SUMF1: variants seen among roughly 807,000 people sequenced by gnomAD.
SUMF1 encodes sulfatase modifying factor 1.
In SUMF1, 48 loss-of-function variants were observed where a neutral mutation model predicts 47.6. The ratio of observed to expected loss-of-function variants is 1.01; its 90% confidence interval spans 0.80 to 1.28. The LOEUF (loss-of-function observed/expected upper bound fraction) is 1.28, where lower values mean the gene tolerates loss of function less well. Ranked by LOEUF, SUMF1 falls within the 50% of genes most tolerant of loss-of-function variation. The pLI is 0.00. For synonymous variants in SUMF1, 230 were observed against 192.1 expected (o/e 1.20, Z -1.63); for missense variants, 571 against 485.4 (o/e 1.18, Z -1.66).
chr3:4,218,876 T>A (rs2125171919), intron 8 of SUMF1, among the ~76,000 whole-genome samples: 1 of 152,296 alleles, frequency 6.6e-6, no homozygotes, highest in South Asian at 2.1e-4. Context: ...CTTTTGGGTT[T>A]CAGCATGTGT....
At chr3:4,197,307 G>C (rs1010825119) in intron 8 of SUMF1, among the ~76,000 whole-genome samples, 1 of 152,036 alleles carries the variant, frequency 6.6e-6, no homozygotes, top group African/African-American at 2.4e-5. Context: ...TACAGACAAT[G>C]TTTCACCGTG....
At chr3:4,192,428 T>C (rs1695337735) in intron 8 of SUMF1, among the ~76,000 whole-genome samples, 1 of 151,852 alleles carries the variant, frequency 6.6e-6, no homozygotes, top group African/African-American at 2.4e-5. Flanking sequence ...TTAATAGTCC[T>C]TTAGTATAAA....
intron 8 of SUMF1, among the ~76,000 whole-genome samples, chr3:4,320,692 G>T (rs1437161166): frequency 6.6e-6 from 1 of 152,206 alleles, no homozygotes; most frequent in African/African-American, 2.4e-5. Context: ...ATAGGCAATA[G>T]CCTGTTTTGG....
intron 8 of SUMF1, among the ~76,000 whole-genome samples, chr3:4,365,680 T>C (rs1699928727): frequency 6.8e-6 from 1 of 146,352 alleles, no homozygotes; most frequent in African/African-American, 2.5e-5. Flanking sequence ...AATTTGCCAG[T>C]CTGTGTCTTT....
intron 8 of SUMF1, among the ~76,000 whole-genome samples, chr3:4,195,246 T>C (rs1281489182): frequency 1.3e-5 from 2 of 152,146 alleles, no homozygotes; most frequent in African/African-American, 4.8e-5. Context: ...TCTAATGACC[T>C]AGATTCTGGC....
intron 8 of SUMF1, among the ~76,000 whole-genome samples, chr3:4,186,781 T>C (rs144665324): frequency 2.3e-4 from 35 of 152,152 alleles, no homozygotes; most frequent in African/African-American, 8.2e-4. Context: ...ATGTGAGAAG[T>C]TCAATTGCCC....
intron 8 of SUMF1, among the ~76,000 whole-genome samples, chr3:4,183,408 GT>G (rs750398238): frequency 1.3e-5 from 2 of 152,116 alleles, no homozygotes; most frequent in Non-Finnish European, 2.9e-5. Flanking sequence ...TTTATTTAAA[GT>G]GACAGTATCA....
intron 9 of SUMF1, among the ~76,000 whole-genome samples, chr3:4,064,152 T>G (rs1695329866): frequency 6.6e-6 from 1 of 151,978 alleles, no homozygotes. Flanking sequence ...TTCTCAGTCA[T>G]AGGATGAGAT....
At chr3:4,163,388 G>A (rs1037298102) in intron 8 of SUMF1, among the ~76,000 whole-genome samples, 17,230 of 28,720 alleles carry the variant, frequency 0.6, 4,856 homozygotes, top group East Asian at 0.71. Context: ...GGAAGGGAGG[G>A]AGGGAGGGAG....
Position 4,254,215 on chromosome 3 carries a change from T to C in SUMF1, c.1014+122115A>G, listed in dbSNP as rs556310575. ...CTAAAAAGCAGAGCGCCTCTCCTCC[T>C]CCAAAGGAACACAGTTCCTCAACAG... On this transcript the variant is annotated intron_variant and NMD_transcript_variant, in intron 8 of 12. Coordinates refer to the SUMF1 transcript ENST00000448413. Among the ~76,000 whole-genome samples, 7 of 151,952 alleles carry C rather than the reference T, an allele frequency of 4.6e-5. No individual in the cohort carries two copies. In the East Asian group the frequency reaches 1.4e-3, roughly 29 times the overall value.
intron 9 of SUMF1, among the ~76,000 whole-genome samples, chr3:4,058,937 T>C (rs1342430043): frequency 1.3e-5 from 2 of 152,080 alleles, no homozygotes; most frequent in East Asian, 1.9e-4. Context: ...TGAGGTGAGA[T>C]TACTCTAGCA....
At chr3:4,430,229 T>A (rs1294834496) in intron 3 of SUMF1, among the ~76,000 whole-genome samples, 9 of 152,166 alleles carry the variant, frequency 5.9e-5, no homozygotes, top group African/African-American at 2.2e-4. Context: ...GGAGTCACAG[T>A]AGTTAGGAAA....
rs531427915 is a variant in SUMF1 at position 4,283,114 on chromosome 3, T to C, written c.1014+93216A>G. Among the ~76,000 whole-genome samples, 68 of 152,288 alleles carry C rather than the reference T, an allele frequency of 4.5e-4. 2 individuals carry two copies. The highest frequency in any genetic ancestry group is 4.3e-3 in the Admixed American group (66 of 15,294). On this transcript the variant is annotated intron_variant and NMD_transcript_variant, in intron 8 of 12. Transcript: ENST00000448413. Reference sequence around the variant, plus strand: ...TCTCCCTTGAGGATCTTTAGACTCTTAGAGATAGAGAAATAGCTAAGGAGA... The same window carrying C: ...TCTCCCTTGAGGATCTTTAGACTCTCAGAGATAGAGAAATAGCTAAGGAGA...
At chr3:4,274,452 T>A (rs190435092) in intron 8 of SUMF1, among the ~76,000 whole-genome samples, 2 of 152,318 alleles carry the variant, frequency 1.3e-5, no homozygotes, top group African/African-American at 4.8e-5. Flanking sequence ...TGGAGGGACA[T>A]TATTCTTATT....
chr3:4,303,428 A>C, intron 8 of SUMF1: 1 of 1,553,988 alleles, frequency 6.4e-7, no homozygotes, highest in Non-Finnish European at 8.7e-7. Flanking sequence ...GTTTAAGGAG[A>C]AGCCTGAGGC....
At chr3:4,083,113 A>G (rs566383189) in intron 8 of SUMF1, among the ~76,000 whole-genome samples, 309 of 152,270 alleles carry the variant, frequency 2.0e-3, no homozygotes, top group Middle Eastern at 0.017. Context: ...AAACATGCCC[A>G]GACTGAAAAG....
intron 9 of SUMF1, among the ~76,000 whole-genome samples, chr3:4,055,781 T>C (rs1371083477): frequency 1.3e-5 from 2 of 152,160 alleles, no homozygotes; most frequent in Admixed American, 1.3e-4. Context: ...AAAATTTGTA[T>C]CTTACACTTA....
chr3:4,275,744 G>T (rs1697400876), intron 8 of SUMF1, among the ~76,000 whole-genome samples: 1 of 152,152 alleles, frequency 6.6e-6, no homozygotes, highest in Non-Finnish European at 1.5e-5. Flanking sequence ...AAAGCAAAAA[G>T]TTAGTTGAGT....
At position 4,231,463 on chromosome 3, in the gene SUMF1, T is replaced by A. The variant is rs1300462048; in HGVS notation, c.1014+144867A>T. On this transcript the variant is annotated intron_variant and NMD_transcript_variant, in intron 8 of 12. Transcript: ENST00000448413. ...GCATGCTACTAATACATTATTTCAATCTCTAACCTTGTCCCTTGCTGTTAC... is the reference window on the plus strand; with the variant it reads ...GCATGCTACTAATACATTATTTCAAACTCTAACCTTGTCCCTTGCTGTTAC... Among the ~76,000 whole-genome samples the A allele has an allele frequency of 2.6e-5, 4 of 152,178 alleles. No homozygotes were observed. The South Asian group carries it at 8.3e-4, about 32-fold the overall frequency.
Sources: gnomAD v4.1 joint callset for allele counts (sites outside exome capture counted in the v4.1 genomes callset) on GRCh38, gnomAD v4.1.1 for gene constraint, MANE v1.5 for transcripts, NCBI Gene and HGNC (gene_info 2026-07-23, HGNC 2026-07-21) for gene names.